Variants in PIK3C2G observed in about 807,000 individuals in gnomAD.
The protein encoded by PIK3C2G is phosphatidylinositol 3-kinase C2 domain-containing subunit gamma.
In PIK3C2G, 168 loss-of-function variants were observed where a neutral mutation model predicts 181.1. That is an observed-to-expected ratio of 0.93 (90% CI 0.82 to 1.05). The LOEUF is 1.05. Among genes scored for constraint, PIK3C2G ranks in the 50% least tolerant of loss-of-function variants. PIK3C2G has a pLI of 0.00. For missense variants in PIK3C2G, 1,869 were observed against 1,732.8 expected, an observed-to-expected ratio of 1.08 and a Z score of -1.40; for synonymous variants, 573 against 592.2, an observed-to-expected ratio of 0.97 and a Z score of 0.47.
At chr12:18,373,645 C>G (rs923323520) in intron 13 of PIK3C2G, among the ~76,000 whole-genome samples, 3 of 152,020 alleles carry the variant, frequency 2.0e-5, no homozygotes, top group African/African-American at 7.2e-5. Flanking sequence ...GTCAGGAGAT[C>G]GAGACCATCC....
At chr12:18,423,698 C>G (rs2135716849) in intron 17 of PIK3C2G, among the ~76,000 whole-genome samples, 1 of 152,248 alleles carries the variant, frequency 6.6e-6, no homozygotes, top group Admixed American at 6.5e-5. Flanking sequence ...CTCCACCAAC[C>G]ACCTGCCCTT....
At chr12:18,684,257 T>C in the PIK3C2G span, 11 of 1,609,700 alleles carry the variant, frequency 6.8e-6, no homozygotes, top group Non-Finnish European at 9.3e-6. Flanking sequence ...ATGTGAATGT[T>C]TCATTCCATC....
intron 1 of PIK3C2G, among the ~76,000 whole-genome samples, chr12:18,265,247 T>C (rs899037100): frequency 6.6e-6 from 1 of 152,218 alleles, no homozygotes; most frequent in East Asian, 1.9e-4. Context: ...GTTTCTGATG[T>C]GAGAAAATTA....
rs774815731 is a variant in PIK3C2G, at chr12:18,567,061, T to C, written c.4011+4T>C. Reference sequence around the variant, plus strand: ...TGTATCACATGAAGTTACAAACGTATGTTATAATTAATTTTTCTATTTTTA... The same window carrying C: ...TGTATCACATGAAGTTACAAACGTACGTTATAATTAATTTTTCTATTTTTA... On this transcript the variant is annotated splice_donor_region_variant and intron_variant, in intron 29 of 32. Transcript: ENST00000538779. 8.3e-7 allele frequency: 1 copy of C among 1,205,494 alleles called. No individual in the cohort carries two copies. The allele number at this position is 1,205,494 out of a possible 1,614,324, so 74.7% of individuals were successfully genotyped here. A position where few individuals can be genotyped will look rare whatever the true frequency, so the allele number is the denominator to read the frequency against.
At chr12:18,442,237 G>A (rs1171892976) in intron 18 of PIK3C2G, among the ~76,000 whole-genome samples, 1 of 151,986 alleles carries the variant, frequency 6.6e-6, no homozygotes, top group Non-Finnish European at 1.5e-5. Flanking sequence ...AAAACTATGA[G>A]AAATAACTCT....
intron 23 of PIK3C2G, among the ~76,000 whole-genome samples, chr12:18,504,207 A>T (rs566241281): frequency 6.6e-6 from 1 of 152,254 alleles, no homozygotes; most frequent in African/African-American, 2.4e-5. Flanking sequence ...GATAAAATAG[A>T]CCCCAGAGTT....
chr12:18,596,370 A>G (rs992422102), intron 30 of PIK3C2G, among the ~76,000 whole-genome samples: 1 of 152,130 alleles, frequency 6.6e-6, no homozygotes, highest in African/African-American at 2.4e-5. Flanking sequence ...ACAAAGCAGT[A>G]ACCAAAAAAG....
intron 31 of PIK3C2G, among the ~76,000 whole-genome samples, chr12:18,625,363 T>C (rs1410361345): frequency 1.3e-5 from 2 of 151,788 alleles, no homozygotes; most frequent in Non-Finnish European, 3.0e-5. Context: ...TCTACTCACA[T>C]ATCATTGTGG....
chr12:18,647,794 T>C (rs907758309), intron 32 of PIK3C2G, 82 bp from the exon 33 acceptor site: 3 of 747,606 alleles, frequency 4.0e-6, no homozygotes, highest in Non-Finnish European at 5.9e-6. Context: ...GCAGCTAATT[T>C]TTTTTATTAA....
At chr12:18,277,865 A>C (rs1234803603) in intron 1 of PIK3C2G, among the ~76,000 whole-genome samples, 1 of 152,140 alleles carries the variant, frequency 6.6e-6, no homozygotes, top group Non-Finnish European at 1.5e-5. Flanking sequence ...ATAAGTAATT[A>C]ATCCTCAACA....
chr12:18,702,126 G>A, the PIK3C2G span, among the ~76,000 whole-genome samples: 1 of 151,566 alleles, frequency 6.6e-6, no homozygotes, highest in Non-Finnish European at 1.5e-5. Flanking sequence ...TACAACTTCT[G>A]GTAGTAAACG....
intron 29 of PIK3C2G, among the ~76,000 whole-genome samples, chr12:18,594,099 C>G (rs956786932): frequency 6.6e-6 from 1 of 151,904 alleles, no homozygotes; most frequent in African/African-American, 2.4e-5. Flanking sequence ...TGGTTACTCA[C>G]TAACTGAGCC....
At chr12:18,310,715 G>A (rs1025037552) in intron 5 of PIK3C2G, among the ~76,000 whole-genome samples, 1 of 151,632 alleles carries the variant, frequency 6.6e-6, no homozygotes, top group Non-Finnish European at 1.5e-5. Context: ...AATAGAGAAA[G>A]AAGAGACTCA....
chr12:18,598,456 C>A (rs1453190204), intron 30 of PIK3C2G, among the ~76,000 whole-genome samples: 1 of 151,568 alleles, frequency 6.6e-6, no homozygotes, highest in Admixed American at 6.6e-5. Flanking sequence ...ATGTAGAAAG[C>A]TGAAACTGGA....
At chr12:18,559,794 A>T (rs1297517113) in intron 26 of PIK3C2G, among the ~76,000 whole-genome samples, 4 of 51,234 alleles carry the variant, frequency 7.8e-5, no homozygotes, top group Non-Finnish European at 1.0e-4. Flanking sequence ...ATATATATAT[A>T]TATATATATA....
chr12:18,444,436 T>A (rs949047567), intron 18 of PIK3C2G, among the ~76,000 whole-genome samples: 1 of 152,194 alleles, frequency 6.6e-6, no homozygotes, highest in African/African-American at 2.4e-5. Context: ...TAAATACTTA[T>A]CAGTATTTTT....
intron 16 of PIK3C2G, among the ~76,000 whole-genome samples, chr12:18,416,013 C>T (rs914851823): frequency 5.3e-5 from 8 of 152,036 alleles, no homozygotes; most frequent in African/African-American, 1.7e-4. Flanking sequence ...TTTAGGAGGC[C>T]GAGGCGGGTG....
intron 31 of PIK3C2G, among the ~76,000 whole-genome samples, chr12:18,625,495 T>C (rs761134431): frequency 6.6e-6 from 1 of 151,762 alleles, no homozygotes; most frequent in African/African-American, 2.4e-5. Context: ...CTTTATTATG[T>C]TGCTGTTGGA....
rs903356036 is a variant in PIK3C2G at position 18,561,845 on chromosome 12, G to T, written c.3591-858G>T. Among the ~76,000 whole-genome samples, 4 of 151,764 alleles carry T rather than the reference G, an allele frequency of 2.6e-5. No homozygotes were observed. The South Asian group carries it at 8.3e-4, about 32-fold the overall frequency. Reference sequence around the variant, plus strand: ...ATGAAAAATATTTAATATAAAATACGTGTCTGTTAAATATAGTATTTAAGT... The same window carrying T: ...ATGAAAAATATTTAATATAAAATACTTGTCTGTTAAATATAGTATTTAAGT... On this transcript the variant is annotated intron_variant, in intron 26 of 32. Transcript: ENST00000538779.
Sources: gnomAD v4.1 joint callset for allele counts (sites outside exome capture counted in the v4.1 genomes callset) on GRCh38, gnomAD v4.1.1 for gene constraint, MANE v1.5 for transcripts, NCBI Gene and HGNC (gene_info 2026-07-23, HGNC 2026-07-21) for gene names.